Variants in MYO1H observed in about 807,000 individuals in gnomAD.
MYO1H encodes the protein myosin IH.
A neutral mutation model predicts 149.3 loss-of-function variants in MYO1H; 118 were observed. The ratio of observed to expected loss-of-function variants is 0.79; its 90% CI spans 0.68 to 0.92. The LOEUF is 0.92. MYO1H is among the 40% of genes least tolerant of loss of function. The probability of loss-of-function intolerance (pLI) is 0.00; values close to 1 mark genes in which losing one functional copy is unlikely to be tolerated. For missense variants in MYO1H, 1,212 were observed against 1,280.7 expected, an observed-to-expected ratio of 0.95 and a Z score of 0.82; for synonymous variants, 447 against 465.2, an observed-to-expected ratio of 0.96 and a Z score of 0.50.
chr12:109,368,981 A>ACATGATTT (rs758361371), intron 1 of MYO1H, among the ~76,000 whole-genome samples: 1 of 150,906 alleles, frequency 6.6e-6, no homozygotes. Context: ...GCTGCAAAGG[A>ACATGATTT]CATGATTTCT....
chr12:109,393,174 G>C (rs114813305), intron 2 of MYO1H, among the ~76,000 whole-genome samples, 157 bp from the exon 3 acceptor site: 1 of 151,964 alleles, frequency 6.6e-6, no homozygotes, highest in Non-Finnish European at 1.5e-5. Context: ...TTTGTCTGCT[G>C]TCTCCCTCAT....
chr12:109,317,601 T>C, the MYO1H span, among the ~76,000 whole-genome samples: 1 of 152,204 alleles, frequency 6.6e-6, no homozygotes, highest in East Asian at 1.9e-4. Flanking sequence ...CCCACCTTTT[T>C]GATGTAGGGC....
intron 1 of MYO1H, among the ~76,000 whole-genome samples, chr12:109,369,113 G>A (rs1175301313): frequency 6.6e-6 from 1 of 151,798 alleles, no homozygotes; most frequent in Non-Finnish European, 1.5e-5. Context: ...TCAGCCTCCC[G>A]AGTAGCTGGG....
At chr12:109,319,779 C>T in the MYO1H span, among the ~76,000 whole-genome samples, 1 of 152,102 alleles carries the variant, frequency 6.6e-6, no homozygotes, top group Non-Finnish European at 1.5e-5. Flanking sequence ...ATTCTAGCCA[C>T]TAGATGTTAG....
At chr12:109,418,498 C>T (rs1016339479) in intron 15 of MYO1H, among the ~76,000 whole-genome samples, 2 of 151,776 alleles carry the variant, frequency 1.3e-5, no homozygotes, top group Admixed American at 6.6e-5. Context: ...TATAGATGTC[C>T]GCCACCACGC....
chr12:109,356,570 G>C (rs889204608), intron 1 of MYO1H, among the ~76,000 whole-genome samples: 6 of 152,046 alleles, frequency 3.9e-5, no homozygotes, highest in Admixed American at 1.3e-4. Flanking sequence ...AGTGCAAGAA[G>C]ACTAGGCTTT....
chr12:109,392,591 G>A (rs1359869528), intron 2 of MYO1H, among the ~76,000 whole-genome samples: 11 of 151,728 alleles, frequency 7.2e-5, no homozygotes, highest in Admixed American at 5.9e-4. Context: ...GGGTGGTGGC[G>A]CATGCCTGTA....
At chr12:109,323,808 T>C in the MYO1H span, among the ~76,000 whole-genome samples, 4 of 151,932 alleles carry the variant, frequency 2.6e-5, no homozygotes, top group African/African-American at 9.7e-5. Flanking sequence ...TCCTGGGGAG[T>C]AATAAACCAC....
chr12:109,381,424 A>G (rs986038839), intron 1 of MYO1H, among the ~76,000 whole-genome samples: 7 of 152,178 alleles, frequency 4.6e-5, no homozygotes, highest in Admixed American at 1.3e-4. Flanking sequence ...CAAAATAACA[A>G]TAATAAATTA....
At chr12:109,421,363 A>G (rs1013701279) in intron 16 of MYO1H, among the ~76,000 whole-genome samples, 1 of 152,210 alleles carries the variant, frequency 6.6e-6, no homozygotes, top group African/African-American at 2.4e-5. Flanking sequence ...TAAGTTATCC[A>G]TTAGTGAGAA....
At chr12:109,325,386 G>A in the MYO1H span, among the ~76,000 whole-genome samples, 1 of 152,310 alleles carries the variant, frequency 6.6e-6, no homozygotes, top group Admixed American at 6.5e-5. Context: ...CTAGCCATAT[G>A]CAGAAAACTG....
At chr12:109,363,712 C>CAA (rs201211123) in intron 1 of MYO1H, among the ~76,000 whole-genome samples, 2 of 148,576 alleles carry the variant, frequency 1.3e-5, no homozygotes, top group South Asian at 4.3e-4. Context: ...AACTCCGTCT[C>CAA]AAAAAAAAAG....
At chr12:109,420,079 CTATT>C (rs1871109803) in intron 15 of MYO1H, among the ~76,000 whole-genome samples, 1 of 152,160 alleles carries the variant, frequency 6.6e-6, no homozygotes, top group Non-Finnish European at 1.5e-5. Flanking sequence ...ATTTTCTCAT[CTATT>C]TAGAGTCCCA....
At chr12:109,424,930 A>C (rs186515517) in intron 17 of MYO1H, 102 bp downstream of exon 17, 12 of 832,084 alleles carry the variant, frequency 1.4e-5, no homozygotes, top group Non-Finnish European at 2.4e-5. Flanking sequence ...TTCTGGAAGT[A>C]TTACTCTCTA....
chr12:109,415,709 C>A, intron 15 of MYO1H, 89 bp downstream of exon 15: 1 of 872,636 alleles, frequency 1.1e-6, no homozygotes, highest in Non-Finnish European at 1.6e-6. Context: ...GGAAATGGTG[C>A]ACAGCCATCC....
At chr12:109,316,045 ACT>A in the MYO1H span, among the ~76,000 whole-genome samples, 4 of 151,920 alleles carry the variant, frequency 2.6e-5, no homozygotes, top group African/African-American at 9.7e-5. Flanking sequence ...ATTCATGGTA[ACT>A]CTTGATTAGA....
chr12:109,349,487 A>T (rs1488937560), intron 1 of MYO1H, among the ~76,000 whole-genome samples: 1 of 101,680 alleles, frequency 9.8e-6, no homozygotes. Flanking sequence ...ACATAGTGTG[A>T]CCCCCCCACC....
chr12:109,332,262 T>G, the MYO1H span, among the ~76,000 whole-genome samples: 1 of 152,212 alleles, frequency 6.6e-6, no homozygotes, highest in South Asian at 2.1e-4. Flanking sequence ...GTGATATGTC[T>G]GCCAGACAGC....
upstream of MYO1H, among the ~76,000 whole-genome samples, chr12:109,346,732 A>G (rs2048103822): frequency 6.6e-6 from 1 of 152,216 alleles, no homozygotes; most frequent in Non-Finnish European, 1.5e-5. Context: ...ATTGTGCTCC[A>G]GCCTGGGCAA....
Sources: allele counts gnomAD v4.1 joint callset (sites outside exome capture counted in the v4.1 genomes callset), GRCh38; gene constraint gnomAD v4.1.1; transcripts MANE v1.5; gene names NCBI Gene and HGNC (gene_info 2026-07-23, HGNC 2026-07-21).